Variants in ANKRD17 observed in about 807,000 individuals in gnomAD.
ANKRD17 encodes ankyrin repeat domain 17, also known as ankyrin repeat domain-containing protein 17.
In ANKRD17, 19 loss-of-function variants were observed where a neutral mutation model predicts 229.7. The observed-to-expected ratio is 0.08, with a 90% confidence interval of 0.06 to 0.12. The LOEUF is 0.12. Ranked by LOEUF, ANKRD17 falls within the 10% of genes least tolerant of loss-of-function variation. The pLI, the probability that ANKRD17 is intolerant of heterozygous loss-of-function variation, is 1.00. For synonymous variants in ANKRD17, 1,112 were observed against 1,146.1 expected (o/e 0.97, Z 0.60); for missense variants, 2,176 against 3,176.8 (o/e 0.68, Z 7.57).
intron 1 of ANKRD17, among the ~76,000 whole-genome samples, chr4:73,245,974 C>T (rs563111655): frequency 3.3e-4 from 50 of 152,238 alleles, no homozygotes; most frequent in African/African-American, 1.2e-3. Flanking sequence ...GTAACCCTAC[C>T]GGCCCTGCAT....
chr4:73,181,525 A>G (rs1735542595), intron 1 of ANKRD17, among the ~76,000 whole-genome samples: 1 of 152,218 alleles, frequency 6.6e-6, no homozygotes, highest in Non-Finnish European at 1.5e-5. Flanking sequence ...AAGAGATGCA[A>G]TCTTATAAAC....
chr4:73,200,539 G>A (rs1453224701), intron 1 of ANKRD17, among the ~76,000 whole-genome samples: 3 of 152,106 alleles, frequency 2.0e-5, no homozygotes, highest in African/African-American at 4.8e-5. Context: ...CTCCCCAGGT[G>A]ATACTAATAC....
chr4:73,110,585 A>G (rs754888469), intron 24 of ANKRD17, among the ~76,000 whole-genome samples: 102 of 152,190 alleles, frequency 6.7e-4, no homozygotes, highest in Admixed American at 2.5e-3. Flanking sequence ...GTCAAGACCA[A>G]CTCCAGCGAT....
intron 2 of ANKRD17, among the ~76,000 whole-genome samples, chr4:73,172,460 A>C (rs1734167984): frequency 6.6e-6 from 1 of 152,206 alleles, no homozygotes; most frequent in South Asian, 2.1e-4. Context: ...AATGAGCAAA[A>C]AGAAATCATC....
At chr4:73,255,290 T>C (rs1230417212) in intron 1 of ANKRD17, among the ~76,000 whole-genome samples, 1 of 152,242 alleles carries the variant, frequency 6.6e-6, no homozygotes, top group African/African-American at 2.4e-5. Context: ...TTTTGGCAGA[T>C]ACAGAGATTA....
At chr4:73,183,326 ACATG>A (rs1735832565) in intron 1 of ANKRD17, among the ~76,000 whole-genome samples, 1 of 152,236 alleles carries the variant, frequency 6.6e-6, no homozygotes, top group East Asian at 1.9e-4. Flanking sequence ...TGTTTTTCAG[ACATG>A]CATACTGAAG....
Position 73,126,090 on chromosome 4 carries a change from A to AG in ANKRD17, c.3235-779_3235-778insC, listed in dbSNP as rs538748088. On this transcript the variant is annotated intron_variant, in intron 16 of 33. Transcript: ENST00000358602. Reference sequence around the variant, plus strand: ...AGTGCAAGGAGCAAGTATCCAAACAACCTGGCAGTCTCCCCAACTTGAGAA... The same window carrying AG: ...AGTGCAAGGAGCAAGTATCCAAACAAGCCTGGCAGTCTCCCCAACTTGAGAA... Among the ~76,000 whole-genome samples, 221 of 152,238 alleles carry AG rather than the reference A, an allele frequency of 1.5e-3. 1 individual carries two copies. The South Asian group carries it at 0.016, about 11-fold the overall frequency.
chr4:73,090,579 G>C, intron 29 of ANKRD17, 88 bp downstream of exon 29: 1 of 1,517,666 alleles, frequency 6.6e-7, no homozygotes, highest in Non-Finnish European at 9.0e-7. Context: ...ATATCGTCCA[G>C]AGAATAAAAA....
intron 24 of ANKRD17, among the ~76,000 whole-genome samples, chr4:73,109,079 T>C (rs929695970): frequency 6.6e-6 from 1 of 152,062 alleles, no homozygotes; most frequent in Non-Finnish European, 1.5e-5. Context: ...GCGGGCAGAT[T>C]GCCTGAGGTC....
intron 15 of ANKRD17, among the ~76,000 whole-genome samples, chr4:73,139,058 TA>T (rs1369584097): frequency 6.8e-5 from 10 of 146,026 alleles, no homozygotes; most frequent in Admixed American, 6.8e-4. Flanking sequence ...TTTTTTTTTT[TA>T]AATATCCATC....
chr4:73,184,439 G>T (rs1032978612), intron 1 of ANKRD17, among the ~76,000 whole-genome samples: 6 of 138,596 alleles, frequency 4.3e-5, no homozygotes, highest in Non-Finnish European at 7.6e-5. Context: ...TGAGACAGGA[G>T]AATCACTTGA....
intron 28 of ANKRD17, among the ~76,000 whole-genome samples, chr4:73,093,604 C>T (rs1021458971): frequency 5.3e-5 from 8 of 152,044 alleles, no homozygotes; most frequent in African/African-American, 1.9e-4. Flanking sequence ...GAACTCCTGA[C>T]CTCAGGTGAT....
intron 2 of ANKRD17, among the ~76,000 whole-genome samples, chr4:73,167,728 C>G (rs1560637453): frequency 6.6e-6 from 1 of 152,192 alleles, no homozygotes; most frequent in Non-Finnish European, 1.5e-5. Flanking sequence ...AAATAGTTTT[C>G]TTTACTCCAA....
At chr4:73,124,817 G>T in intron 18 of ANKRD17, 96 bp downstream of exon 18, 2 of 1,412,172 alleles carry the variant, frequency 1.4e-6, no homozygotes, top group Non-Finnish European at 1.9e-6. Flanking sequence ...AAATCTAAAC[G>T]TCAAAGCATT....
intron 11 of ANKRD17, among the ~76,000 whole-genome samples, chr4:73,143,306 C>T (rs1249623794): frequency 2.0e-5 from 3 of 152,038 alleles, no homozygotes; most frequent in Non-Finnish European, 2.9e-5. Context: ...TTGTTGTTTT[C>T]GTAGAAATGG....
chr4:73,169,082 T>A (rs1044755351), intron 2 of ANKRD17: 1 of 152,236 alleles, frequency 6.6e-6, no homozygotes, highest in East Asian at 1.9e-4. Context: ...TCCAGCTGCA[T>A]CCATGTTGCT....
intron 23 of ANKRD17, 98 bp downstream of exon 23, chr4:73,115,723 C>A: frequency 1.2e-6 from 1 of 847,660 alleles, no homozygotes. Context: ...ATGAAAATGG[C>A]TACATATTAC....
At chr4:73,117,842 T>C (rs1347944692) in intron 22 of ANKRD17, among the ~76,000 whole-genome samples, 2 of 152,200 alleles carry the variant, frequency 1.3e-5, no homozygotes, top group African/African-American at 4.8e-5. Context: ...TAAATCAAAT[T>C]ACTTACACAC....
At chr4:73,193,595 G>A (rs974380250) in intron 1 of ANKRD17, among the ~76,000 whole-genome samples, 1 of 151,948 alleles carries the variant, frequency 6.6e-6, no homozygotes, top group Non-Finnish European at 1.5e-5. Flanking sequence ...CCTTTATCTT[G>A]TGTTTATTTG....
Sources: gnomAD v4.1 joint callset for allele counts (sites outside exome capture counted in the v4.1 genomes callset) on GRCh38, gnomAD v4.1.1 for gene constraint, MANE v1.5 for transcripts, NCBI Gene and HGNC (gene_info 2026-07-23, HGNC 2026-07-21) for gene names.